The following GNB4 variants were observed in gnomAD, a reference collection of about 807,000 sequenced individuals.
The protein encoded by GNB4 is guanine nucleotide-binding protein subunit beta-4.
In GNB4, 28 loss-of-function variants were observed where a neutral mutation model predicts 45.2. The ratio of observed to expected loss-of-function variants is 0.62; its 90% confidence interval spans 0.46 to 0.85. The LOEUF (loss-of-function observed/expected upper bound fraction) is 0.85. Among genes scored for constraint, GNB4 ranks in the 40% least tolerant of loss-of-function variants. The pLI is 0.00. For missense variants in GNB4, 321 were observed against 425.4 expected (o/e 0.75, Z 2.16); for synonymous variants, 132 against 143.7 (o/e 0.92, Z 0.58).
chr3:179,514,766 C>A, the GNB4 span, among the ~76,000 whole-genome samples: 1 of 152,168 alleles, frequency 6.6e-6, no homozygotes, highest in Admixed American at 6.5e-5. Flanking sequence ...CCTGCCAGCA[C>A]CTTCATCTTG....
chr3:179,521,439 A>C, the GNB4 span, among the ~76,000 whole-genome samples: 2 of 152,170 alleles, frequency 1.3e-5, no homozygotes, highest in Non-Finnish European at 2.9e-5. Flanking sequence ...TCCTGTATAG[A>C]TGCTCCTTTT....
Position 179,429,943 on chromosome 3 carries a change from T to C in GNB4, c.-42-3701A>G, listed in dbSNP as rs565983760. Among the ~76,000 whole-genome samples, 10 of 152,268 alleles carry C rather than the reference T, an allele frequency of 6.6e-5. No homozygotes were observed. The South Asian group carries it at 2.1e-3, about 32-fold the overall frequency. On this transcript the variant is annotated intron_variant, in intron 1 of 9. Transcript: ENST00000232564. ...CCTCTTGCAGCAGATGACCTTGCCA[T>C]CTATATCATAAAGTAGAAGCCATCA...
At chr3:179,445,547 A>G (rs1715699840) in intron 1 of GNB4, among the ~76,000 whole-genome samples, 1 of 152,182 alleles carries the variant, frequency 6.6e-6, no homozygotes, top group Admixed American at 6.5e-5. Context: ...CAGCCTCCCA[A>G]AGTACTGGGA....
chr3:179,482,801 T>C, the GNB4 span, among the ~76,000 whole-genome samples: 1 of 152,238 alleles, frequency 6.6e-6, no homozygotes, highest in East Asian at 1.9e-4. Context: ...GGGTCACTTA[T>C]GGCAGGTGGA....
the GNB4 span, among the ~76,000 whole-genome samples, chr3:179,484,725 T>C: frequency 8.9e-3 from 1,350 of 152,086 alleles, 32 homozygotes; most frequent in African/African-American, 0.031. Flanking sequence ...CAAAAGAAAA[T>C]ATGTGTGTTA....
the GNB4 span, among the ~76,000 whole-genome samples, chr3:179,487,567 C>CA: frequency 6.6e-6 from 1 of 152,054 alleles, no homozygotes; most frequent in Non-Finnish European, 1.5e-5. Context: ...ATAAGACTGA[C>CA]AAAACAGTAG....
the GNB4 span, among the ~76,000 whole-genome samples, chr3:179,522,502 C>G: frequency 6.6e-6 from 1 of 152,120 alleles, no homozygotes; most frequent in Non-Finnish European, 1.5e-5. Flanking sequence ...TATTTACAGT[C>G]AGTATAAATA....
At chr3:179,461,200 C>T in the GNB4 span, among the ~76,000 whole-genome samples, 8 of 152,154 alleles carry the variant, frequency 5.3e-5, no homozygotes, top group Non-Finnish European at 1.0e-4. Flanking sequence ...CCGCCCCTTC[C>T]CCAGACCCTG....
At chr3:179,526,927 C>T in the GNB4 span, among the ~76,000 whole-genome samples, 6 of 152,248 alleles carry the variant, frequency 3.9e-5, no homozygotes, top group Non-Finnish European at 7.4e-5. Flanking sequence ...TATATATGAA[C>T]GGTACAAATG....
intron 2 of GNB4, among the ~76,000 whole-genome samples, chr3:179,421,776 G>A (rs1392666534): frequency 2.6e-5 from 4 of 152,152 alleles, no homozygotes; most frequent in Non-Finnish European, 5.9e-5. Context: ...ATATTTCTAA[G>A]TAAGGGTGTT....
the GNB4 span, chr3:179,464,559 A>G: frequency 3.2e-6 from 5 of 1,553,822 alleles, no homozygotes; most frequent in East Asian, 4.5e-5. Flanking sequence ...ACACCTGAGC[A>G]TGATCCTGGT....
Position 179,405,239 on chromosome 3 carries a change from G to A in GNB4, c.867C>T (p.Tyr289=), listed in dbSNP as rs1398073875. 8.7e-6 allele frequency: 14 copies of A among 1,613,990 alleles called. No homozygotes were observed. Among genetic ancestry groups the A allele is most frequent in the African/African-American group, 1.3e-5 (1 of 74,902 alleles). The change falls in exon 9 of 10, where the codon TAC becomes TAT. Residue 289 remains tyrosine, a synonymous_variant. Transcript: ENST00000232564. ...SKSGRLLLAG[Y]DDFNCNVWDT... ...CCCATACATTACAATTAAAGTCATC[G>A]TAACCAGCCAACAAGAGACGCCCAC...
intron 1 of GNB4, among the ~76,000 whole-genome samples, chr3:179,434,832 T>C (rs759087090): frequency 6.6e-6 from 1 of 152,066 alleles, no homozygotes; most frequent in Non-Finnish European, 1.5e-5. Context: ...GAGGATCGCT[T>C]GAACCCAGGA....
the GNB4 span, among the ~76,000 whole-genome samples, chr3:179,517,399 C>A: frequency 3.3e-5 from 5 of 152,132 alleles, no homozygotes; most frequent in African/African-American, 1.2e-4. Flanking sequence ...TCGGACTCAG[C>A]CCGCCTGCAC....
the GNB4 span, among the ~76,000 whole-genome samples, chr3:179,492,529 T>C: frequency 6.6e-6 from 1 of 152,078 alleles, no homozygotes; most frequent in Non-Finnish European, 1.5e-5. Context: ...CTGTGTCACA[T>C]ACCCTGGAGC....
chr3:179,519,484 C>T, the GNB4 span, among the ~76,000 whole-genome samples: 2 of 152,164 alleles, frequency 1.3e-5, no homozygotes, highest in Non-Finnish European at 2.9e-5. Flanking sequence ...GGCCTGTTTC[C>T]CTTGCCTCCA....
At chr3:179,463,120 A>G in the GNB4 span, among the ~76,000 whole-genome samples, 2 of 152,168 alleles carry the variant, frequency 1.3e-5, no homozygotes, top group Non-Finnish European at 2.9e-5. Context: ...CAATTACTGG[A>G]AGGAGTTGTA....
chr3:179,479,735 T>TA, the GNB4 span, among the ~76,000 whole-genome samples: 65 of 152,160 alleles, frequency 4.3e-4, no homozygotes, highest in East Asian at 8.9e-3. Context: ...GAGCATCTGT[T>TA]AAAAAAAACT....
intron 1 of GNB4, among the ~76,000 whole-genome samples, chr3:179,443,959 C>T (rs1442436562): frequency 1.3e-5 from 2 of 152,170 alleles, no homozygotes; most frequent in Non-Finnish European, 2.9e-5. Flanking sequence ...TAGTTTTGTT[C>T]TACTGCTGAT....
Sources: gnomAD v4.1 joint callset for allele counts (sites outside exome capture counted in the v4.1 genomes callset) on GRCh38, gnomAD v4.1.1 for gene constraint, MANE v1.5 for transcripts, NCBI Gene and HGNC (gene_info 2026-07-23, HGNC 2026-07-21) for gene names.